The following MTOR variants were observed in gnomAD, a reference collection of about 807,000 sequenced individuals.
MTOR encodes mechanistic target of rapamycin kinase, also known as serine/threonine-protein kinase mTOR.
A neutral mutation model predicts 319.8 loss-of-function variants in MTOR; 70 were observed. The ratio of observed to expected loss-of-function variants is 0.22; its 90% CI spans 0.18 to 0.27. MTOR has a LOEUF of 0.27. MTOR is among the 10% of genes least tolerant of loss of function. The pLI, the probability that MTOR is intolerant of heterozygous loss-of-function variation, is 1.00. For missense variants in MTOR, 1,890 were observed against 3,274.4 expected, an observed-to-expected ratio of 0.58 and a Z score of 10.32; for synonymous variants, 1,183 against 1,211.4, an observed-to-expected ratio of 0.98 and a Z score of 0.49.
chr1:11,260,412 C>T (rs1028604085), intron 1 of MTOR, among the ~76,000 whole-genome samples: 8 of 151,978 alleles, frequency 5.3e-5, no homozygotes, highest in African/African-American at 2.4e-5. Context: ...CGTGGCAGTG[C>T]GTGCCTGTAA....
At position 11,128,435 on chromosome 1, in the gene MTOR, G is replaced by C. The variant is rs747133273; in HGVS notation, c.5910+19C>G. On this transcript the variant is annotated intron_variant, in intron 42 of 57. Transcript: ENST00000361445. This position sits in a 1 kb window ranked among gnomAD's most constrained non-coding sequence, Gnocchi z 5.3. Reference sequence around the variant, plus strand: ...CAAACCAGTGGTTAGATGAGAAACTGCCCAGAGTCTCCACATACCTGGGGG... The same window carrying C: ...CAAACCAGTGGTTAGATGAGAAACTCCCCAGAGTCTCCACATACCTGGGGG... 14 of 1,609,176 alleles carry C rather than the reference G, an allele frequency of 8.7e-6. No homozygotes were observed. The highest frequency in any genetic ancestry group is 2.7e-5 in the African/African-American group (2 of 74,802).
chr1:11,211,642 C>G (rs1034515002), intron 23 of MTOR, among the ~76,000 whole-genome samples: 1 of 152,182 alleles, frequency 6.6e-6, no homozygotes, highest in African/African-American at 2.4e-5. Flanking sequence ...GCTGGAATTA[C>G]GGGTGTGAGT....
chr1:11,206,369 T>G (rs762613142), intron 25 of MTOR, among the ~76,000 whole-genome samples: 3 of 152,242 alleles, frequency 2.0e-5, no homozygotes, highest in Non-Finnish European at 4.4e-5. Flanking sequence ...GAGTGGGCTC[T>G]GGAGTCATGC....
chr1:11,143,865 T>G (rs1643827875), intron 34 of MTOR: 1 of 152,166 alleles, frequency 6.6e-6, no homozygotes, highest in Non-Finnish European at 1.5e-5. Flanking sequence ...TTTTTTCTTT[T>G]GCTGATGAAC....
chr1:11,248,986 G>A (rs1342438443), intron 6 of MTOR, among the ~76,000 whole-genome samples: 1 of 152,116 alleles, frequency 6.6e-6, no homozygotes, highest in African/African-American at 2.4e-5. Context: ...AGCACTTTGG[G>A]AGGCCTAGGT....
intron 31 of MTOR, among the ~76,000 whole-genome samples, chr1:11,147,780 G>A (rs1271364417): frequency 6.6e-6 from 1 of 152,152 alleles, no homozygotes; most frequent in Admixed American, 6.5e-5. Context: ...TTTCACCAGG[G>A]ACACTCTACA....
intron 29 of MTOR, among the ~76,000 whole-genome samples, chr1:11,162,954 T>C (rs1266548426): frequency 6.6e-6 from 1 of 152,162 alleles, no homozygotes; most frequent in Non-Finnish European, 1.5e-5. Context: ...TAAATGTAAA[T>C]GGGCTAAATG....
chr1:11,141,615 C>G (rs1451372141), intron 34 of MTOR, among the ~76,000 whole-genome samples: 1 of 151,568 alleles, frequency 6.6e-6, no homozygotes, highest in Non-Finnish European at 1.5e-5. Flanking sequence ...GCAATCCACC[C>G]ACCTCGGCCT....
At chr1:11,233,560 AT>A (rs2100878933) in intron 14 of MTOR, 73 bp from the exon 15 acceptor site, 1 of 1,191,428 alleles carries the variant, frequency 8.4e-7, no homozygotes, top group East Asian at 2.4e-5. Flanking sequence ...TATAAGTAAA[AT>A]TCACCCAAGA....
At chr1:11,241,751 T>G (rs917628365) in intron 9 of MTOR, 70 bp from the exon 10 acceptor site, 2 of 1,556,724 alleles carry the variant, frequency 1.3e-6, no homozygotes, top group Admixed American at 3.5e-5. Flanking sequence ...CAAAATCACC[T>G]TGGGGCAAGG....
At chr1:11,184,920 CT>C (rs1178478459) in intron 28 of MTOR, among the ~76,000 whole-genome samples, 3 of 152,198 alleles carry the variant, frequency 2.0e-5, no homozygotes. Context: ...CCAGCTTTAG[CT>C]TCTGCTGCCA....
Position 11,169,215 on chromosome 1 carries a change from T to G in MTOR, c.4254-1698A>C, listed in dbSNP as rs537068052. On this transcript the variant is annotated intron_variant, in intron 28 of 57. Coordinates refer to ENST00000361445, the MANE Select transcript of MTOR (RefSeq NM_004958.4). ...CCCAGAAATCTAAAGAAGCTAACAT[T>G]TGTGAAAGTAATAATCTAATGCCTC... Among the ~76,000 whole-genome samples, 5 of 152,338 alleles carry G rather than the reference T, an allele frequency of 3.3e-5. No homozygotes were observed. In the East Asian group the frequency reaches 9.6e-4, roughly 29 times the overall value.
intron 32 of MTOR, among the ~76,000 whole-genome samples, chr1:11,146,373 CT>C (rs953592193): frequency 2.6e-5 from 4 of 152,162 alleles, no homozygotes; most frequent in African/African-American, 9.7e-5. Context: ...TGAATCCTAC[CT>C]TTTGGTGAAA....
chr1:11,200,476 G>A, intron 26 of MTOR, among the ~76,000 whole-genome samples: 1 of 152,150 alleles, frequency 6.6e-6, no homozygotes, highest in Non-Finnish European at 1.5e-5. Context: ...GGACACATTT[G>A]CCATCCCTTA....
In MTOR at chr1:11,243,195, A is replaced by G; in HGVS notation, c.1331T>C (p.Val444Ala). The G allele has an allele frequency of 6.2e-7, 1 of 1,614,086 alleles. No homozygotes were observed. Among genetic ancestry groups the G allele is most frequent in the African/African-American group, 1.3e-5 (1 of 75,048 alleles). ...CAAATAGACCTTAAACTCAGACCTC[A>G]CAGCCACAGAAAGTAGCCCCAGGGC... ...FQALGLLSVAVRSEFKVYLPR... is the reference protein window; with the variant it reads ...FQALGLLSVAARSEFKVYLPR... Residue 444 changes from valine (V) to alanine (A), a missense_variant, in exon 9 of 58, where the codon GTG becomes GCG. Transcript: ENST00000361445.
chr1:11,227,597 G>A (rs1003422372), intron 19 of MTOR, among the ~76,000 whole-genome samples: 3 of 151,946 alleles, frequency 2.0e-5, no homozygotes, highest in Middle Eastern at 3.4e-3. Flanking sequence ...GTTGGTAGTA[G>A]TAGGGACATA....
At chr1:11,187,269 C>A (rs569359299) in intron 28 of MTOR, among the ~76,000 whole-genome samples, 1 of 115,850 alleles carries the variant, frequency 8.6e-6, no homozygotes, top group South Asian at 2.8e-4. Flanking sequence ...GGTCCCCAAT[C>A]TTTTTGGCAC....
rs2100276035 is a variant in MTOR at position 11,107,473 on chromosome 1, C to A, written c.*12G>T. On this transcript the variant is annotated 3_prime_UTR_variant, in exon 58 of 58. Coordinates refer to ENST00000361445, the MANE Select transcript of MTOR (RefSeq NM_004958.4). ...CTCAGAAAAAACGTGATGGGCACAT[C>A]TGGGCCTCCAGTTACCAGAAAGGGC... 2 of 1,612,386 alleles carry A rather than the reference C, an allele frequency of 1.2e-6. No individual in the cohort carries two copies. Among genetic ancestry groups the A allele is most frequent in the Non-Finnish European group, 1.7e-6 (2 of 1,179,580 alleles).
At chr1:11,193,824 G>C (rs1182050093) in intron 28 of MTOR, 3 of 1,580,096 alleles carry the variant, frequency 1.9e-6, no homozygotes, top group Non-Finnish European at 2.6e-6. Context: ...CACCACACAT[G>C]ACCGCGTACA....
Sources: allele counts gnomAD v4.1 joint callset (sites outside exome capture counted in the v4.1 genomes callset), GRCh38; gene constraint gnomAD v4.1.1; non-coding constraint Gnocchi (gnomAD v3.1); transcripts MANE v1.5; gene names NCBI Gene and HGNC (gene_info 2026-07-23, HGNC 2026-07-21).